MUC4: variants seen among roughly 807,000 people sequenced by gnomAD.
MUC4 encodes the protein mucin 4, cell surface associated, also known as mucin-4.
Under a neutral mutation model 257.9 loss-of-function variants are expected in MUC4, and 202 were observed. The observed-to-expected ratio is 0.78, with a 90% CI of 0.70 to 0.88. MUC4 has a LOEUF of 0.88. Among genes scored for constraint, MUC4 ranks in the 40% least tolerant of loss-of-function variants. The pLI, the probability that MUC4 is intolerant of heterozygous loss-of-function variation, is 0.00. For missense variants in MUC4, 5,976 were observed against 6,513.7 expected, an observed-to-expected ratio of 0.92 and a Z score of 2.84; for synonymous variants, 2,351 against 2,757.1, an observed-to-expected ratio of 0.85 and a Z score of 4.62.
intron 2 of MUC4, 106 bp from the exon 3 acceptor site, chr3:195,778,561 T>C (rs1725558828): frequency 1.4e-6 from 2 of 1,462,394 alleles, no homozygotes; most frequent in Non-Finnish European, 1.9e-6. Context: ...TGGAAACTCC[T>C]TGTCTCTCCC....
At chr3:195,766,584 T>C (rs1229925801) in intron 8 of MUC4, 79 bp downstream of exon 8, 2 of 1,305,192 alleles carry the variant, frequency 1.5e-6, no homozygotes, top group Non-Finnish European at 2.2e-6. Flanking sequence ...AGGTGCCCTC[T>C]AGGACTGCGA....
Position 195,790,519 on chromosome 3 carries a change from G to T in MUC4, c.1061C>A (p.Ser354Tyr), listed in dbSNP as rs1733725088. ...LTPVTTSTVL[S>Y]SPSGFNPSGT... is the part of the protein sequence containing the mutation. ...ACTTGGGTTGAATCCACTTGGTGAG[G>T]ATAAAACAGTTGATGTTGTAACCGG... is the stretch of plus-strand genomic sequence containing the variant. Residue 354 changes from serine to tyrosine, a missense_variant, in exon 2 of 25, where the codon TCC becomes TAC. Ser to Tyr is a moderately radical substitution (Grantham distance 144, BLOSUM62 -2). Coordinates refer to ENST00000463781, the MANE Select transcript of MUC4 (RefSeq NM_018406.7). 1.2e-6 allele frequency: 2 copies of T among 1,614,000 alleles called. No individual in the cohort carries two copies. The highest frequency in any genetic ancestry group is 1.7e-6 in the Non-Finnish European group (2 of 1,179,878).
intron 15 of MUC4, 32 bp downstream of exon 15, chr3:195,761,452 C>T: frequency 6.4e-7 from 1 of 1,555,830 alleles, no homozygotes; most frequent in African/African-American, 1.4e-5. Flanking sequence ...CCCTCACCTG[C>T]CCCTCTGCCC....
chr3:195,771,858 T>A (rs772730586), intron 4 of MUC4, 42 bp from the exon 5 acceptor site: 8 of 1,600,522 alleles, frequency 5.0e-6, no homozygotes, highest in Non-Finnish European at 6.8e-6. Flanking sequence ...GGGAGGGAAG[T>A]GGGGAGGAAA....
Position 195,788,379 on chromosome 3 carries a change from T to C in MUC4, c.3201A>G (p.Thr1067=), listed in dbSNP as rs1363915215. The C allele has an allele frequency of 1.3e-6, 2 of 1,532,060 alleles. No individual in the cohort carries two copies. Among genetic ancestry groups the C allele is most frequent in the African/African-American group, 2.9e-5 (2 of 67,912 alleles). 94.9% of individuals were successfully genotyped at this position (1,532,060 alleles called of 1,614,324 possible). Residue 1067 remains threonine, a synonymous_variant, in exon 2 of 25, where the codon ACA becomes ACG. Coordinates refer to ENST00000463781, the MANE Select transcript of MUC4 (RefSeq NM_018406.7). The stretch of plus-strand genomic sequence containing the variant: ...TGACAGGAAGAGGGGTGACGTGACC[T>C]GTGGATGCTGAGGAAGTGTCAGTGA... ...LPVTDTSSAS[T]GHVTPLPVTS... is the part of the protein sequence containing the mutation.
chr3:195,770,972 G>A (rs796356618), intron 5 of MUC4: 3 of 420,324 alleles, frequency 7.1e-6, no homozygotes, highest in East Asian at 1.5e-4. Context: ...GGTATTCCTG[G>A]TCAGTCTCGC....
At chr3:195,778,552 GGAA>G in intron 2 of MUC4, 97 bp from the exon 3 acceptor site, 1 of 1,500,214 alleles carries the variant, frequency 6.7e-7, no homozygotes, top group South Asian at 1.2e-5. Context: ...AGAGGGAGCT[GGAA>G]ACTCCTTGTC....
intron 7 of MUC4, among the ~76,000 whole-genome samples, chr3:195,767,754 CCACCATCACCA>C (rs1721531243): frequency 1.5e-5 from 1 of 67,486 alleles, no homozygotes; most frequent in African/African-American, 7.3e-5. Context: ...ATCGCCACCA[CCACCATCACCA>C]CCACCACCAC....
Position 195,788,316 on chromosome 3 carries a change from A to C in MUC4, c.3264T>G (p.Pro1088=). 1 of 1,547,606 alleles carries C rather than the reference A, an allele frequency of 6.5e-7. No individual in the cohort carries two copies. The highest frequency in any genetic ancestry group is 8.7e-7 in the Non-Finnish European group (1 of 1,145,798). Residue 1088 remains proline, a synonymous_variant, in exon 2 of 25, where the codon CCT becomes CCG. Coordinates refer to ENST00000463781, the MANE Select transcript of MUC4 (RefSeq NM_018406.7). ...LSSASTGDTT[P]LPVTDTSSAS... is the part of the protein sequence containing the mutation. Reference sequence around the variant, plus strand: ...CTGAGGAAGTGTCAGTGACAGGAAGAGGGGTGGTGTCACCTGTGGATGCTG... The same window carrying C: ...CTGAGGAAGTGTCAGTGACAGGAAGCGGGGTGGTGTCACCTGTGGATGCTG...
In MUC4 at chr3:195,781,451, G is replaced by C. The variant is rs762339531; in HGVS notation, c.10129C>G (p.Leu3377Val). Residue 3377 changes from leucine to valine, a missense_variant, in exon 2 of 25, where the codon CTT (leucine) becomes GTT (valine). By Grantham distance (32) the Leu-to-Val change is conservative. Transcript: ENST00000463781. ...SSASTGDTTR[L>V]PVTDISSAST... ...GCCGAGGAAATGTCGGTGACAGGAA[G>C]ACGGGTGGTGTCACCTGTGGAAGCT... 1.2e-5 allele frequency: 19 copies of C among 1,536,898 alleles called. 3 individuals carry two copies. The African/African-American group carries it at 2.4e-4, about 19-fold the overall frequency.
chr3:195,746,880 G>A lies in MUC4; in HGVS notation c.*296C>T. The A allele has an allele frequency of 2.1e-6, 1 of 472,418 alleles. No homozygotes were observed. Among genetic ancestry groups the A allele is most frequent in the Non-Finnish European group, 3.7e-6 (1 of 268,570 alleles). 29.3% of individuals were successfully genotyped at this position (472,418 alleles called of 1,614,324 possible). ...TAACTTAGGGCCATCACCACATTATGAACTCGTGTGTGTGTGTGTGTGTGT... is the reference window on the plus strand; with the variant it reads ...TAACTTAGGGCCATCACCACATTATAAACTCGTGTGTGTGTGTGTGTGTGT... On this transcript the variant is annotated 3_prime_UTR_variant, in exon 25 of 25. Transcript: ENST00000463781.
At chr3:195,766,092 C>G (rs1720414220) in intron 8 of MUC4, among the ~76,000 whole-genome samples, 1 of 152,178 alleles carries the variant, frequency 6.6e-6, no homozygotes, top group East Asian at 1.9e-4. Context: ...TATTGAGTAG[C>G]TGGAATTACA....
intron 8 of MUC4, 106 bp from the exon 9 acceptor site, chr3:195,765,555 C>T (rs1720274363): frequency 5.3e-6 from 6 of 1,141,000 alleles, no homozygotes; most frequent in Non-Finnish European, 6.1e-6. Context: ...CCTCCTGCCA[C>T]TTCTCACCTC....
At position 195,789,646 on chromosome 3, in the gene MUC4, G is replaced by T. The variant is rs777443496; in HGVS notation, c.1934C>A (p.Thr645Asn). 2 of 1,614,016 alleles carry T rather than the reference G, an allele frequency of 1.2e-6. No homozygotes were observed. Among genetic ancestry groups the T allele is most frequent in the Non-Finnish European group, 1.7e-6 (2 of 1,179,888 alleles). Residue 645 changes from threonine to asparagine, a missense_variant, in exon 2 of 25, where the codon ACC becomes AAC. Around this residue, in one of 44 missense-constraint regions of MUC4, gnomAD observed 1,583 missense variants for 1,257.4 expected, o/e 1.26. Transcript: ENST00000463781. ...CCTCGTGGTTTGTGATTCTTGTGTG[G>T]TCTGCGGGGCTTGAGTGTGACCCCT... Reference protein sequence around the residue: ...SQRGHTQAPQTTQESQTTRSV... With the variant: ...SQRGHTQAPQNTQESQTTRSV...
At chr3:195,792,326 G>T (rs984850507) in intron 1 of MUC4, among the ~76,000 whole-genome samples, 24 of 152,180 alleles carry the variant, frequency 1.6e-4, no homozygotes, top group African/African-American at 5.8e-4. Context: ...CAAAGGATAT[G>T]AACAGACACT....
chr3:195,759,016 G>C (rs1718245656), intron 17 of MUC4, 108 bp downstream of exon 17: 1 of 1,381,842 alleles, frequency 7.2e-7, no homozygotes, highest in Non-Finnish European at 9.9e-7. Context: ...AAATGAAAGA[G>C]TGACAGCAAG....
intron 21 of MUC4, 121 bp downstream of exon 21, chr3:195,752,252 G>T: frequency 1.1e-6 from 1 of 942,466 alleles, no homozygotes; most frequent in Non-Finnish European, 1.7e-6. Flanking sequence ...AGAGGCTCCG[G>T]CCTCCTCTGG....
rs865782499 is a variant in MUC4 at position 195,780,446 on chromosome 3, G to A, written c.11134C>T (p.Pro3712Ser). The change falls in exon 2 of 25, where the codon CCT becomes TCT. Residue 3712 changes from proline to serine, a missense_variant. This residue lies in a region of MUC4 where 330 missense variants were observed against 262.0 expected (regional missense o/e 1.26). Transcript: ENST00000463781. ...GAGGAAGTGCTGGTGACAGGAAGAG[G>A]GGTGGTGTGACCTGAGGATGATGAG... ...PSSSSSGHTT[P>S]LPVTSTSSVS... 82 of 1,532,808 alleles carry A rather than the reference G, an allele frequency of 5.3e-5. 2 individuals carry two copies. In the Middle Eastern group the frequency reaches 8.3e-4, roughly 16 times the overall value. 95.0% of individuals were successfully genotyped at this position (1,532,808 alleles called of 1,614,324 possible). A position where few individuals can be genotyped will look rare whatever the true frequency, so the allele number is the denominator to read the frequency against.
In MUC4 at chr3:195,789,230, G is replaced by A. The variant is rs1032436907; in HGVS notation, c.2350C>T (p.Gln784Ter). ...GAGGCCGGTTCGCTGGTCTGTGTTT[G>A]TCCAGAGGCCTCTGTGCTCTCAGCC... ...HQAESTEASG[Q>*]TQTSEPASSG... The change falls in exon 2 of 25, where the codon CAA becomes TAA. Residue 784 changes from glutamine (Q) to a stop codon, truncating the protein, a stop_gained. Transcript: ENST00000463781. LOFTEE classifies it high-confidence loss of function. 2.5e-6 allele frequency: 4 copies of A among 1,613,886 alleles called. No homozygotes were observed. The highest frequency in any genetic ancestry group is 3.4e-6 in the Non-Finnish European group (4 of 1,179,858).
Sources: gnomAD v4.1 joint callset for allele counts (sites outside exome capture counted in the v4.1 genomes callset) on GRCh38, gnomAD v4.1.1 for gene constraint, gnomAD v4.1.1 regional missense constraint, MANE v1.5 for transcripts, NCBI Gene and HGNC (gene_info 2026-07-23, HGNC 2026-07-21) for gene names.